The following VRK1 variants were observed in gnomAD, a reference collection of about 807,000 sequenced individuals.
VRK1 encodes the protein serine/threonine-protein kinase VRK1.
In VRK1, 33 loss-of-function variants were observed where a neutral mutation model predicts 57.1. The observed-to-expected ratio is 0.58, with a 90% CI of 0.44 to 0.77. The LOEUF (loss-of-function observed/expected upper bound fraction) is 0.77, where lower values mean the gene tolerates loss of function less well. Ranked by LOEUF, VRK1 falls within the 30% of genes least tolerant of loss-of-function variation. The pLI, the probability that VRK1 is intolerant of heterozygous loss-of-function variation, is 0.00. For missense variants in VRK1, 413 were observed against 477.3 expected (o/e 0.87, Z 1.25); for synonymous variants, 137 against 147.8 (o/e 0.93, Z 0.53).
chr14:96,815,472 A>G (rs748909217), intron 1 of VRK1, among the ~76,000 whole-genome samples: 3 of 152,160 alleles, frequency 2.0e-5, no homozygotes, highest in Non-Finnish European at 4.4e-5. Context: ...CTCTGAAGAT[A>G]CCTTATATTG....
chr14:96,864,466 TTTC>T (rs1284792207), intron 11 of VRK1, among the ~76,000 whole-genome samples: 8 of 152,340 alleles, frequency 5.3e-5, no homozygotes, highest in Middle Eastern at 3.4e-3. Context: ...ATTTGTTGTT[TTTC>T]ATTGCTGTGT....
At chr14:96,847,763 C>T (rs745775445) in intron 5 of VRK1, among the ~76,000 whole-genome samples, 2 of 152,200 alleles carry the variant, frequency 1.3e-5, no homozygotes, top group African/African-American at 2.4e-5. Flanking sequence ...GATACATAAT[C>T]TGCCCACACA....
intron 3 of VRK1, among the ~76,000 whole-genome samples, chr14:96,841,325 G>A (rs1887451484): frequency 6.6e-6 from 1 of 151,994 alleles, no homozygotes; most frequent in African/African-American, 2.4e-5. Context: ...AAAAAACATG[G>A]CCAGGAACAG....
chr14:96,863,545 A>G (rs1477908005), intron 11 of VRK1, among the ~76,000 whole-genome samples: 5 of 152,192 alleles, frequency 3.3e-5, no homozygotes, highest in Non-Finnish European at 7.3e-5. Context: ...CTAAGTCAAC[A>G]AAAAGGGTTG....
chr14:96,804,660 A>T lies in VRK1; in HGVS notation c.-6+7213A>T, dbSNP rs531939993. Among the ~76,000 whole-genome samples the T allele has an allele frequency of 1.4e-4, 21 of 152,320 alleles. No individual in the cohort carries two copies. The South Asian group carries it at 3.7e-3, about 27-fold the overall frequency. ...GTGCTGTATATTCTTAATCAGGAAA[A>T]TGGTATGATAGAAATGGTATTAAAG... On this transcript the variant is annotated intron_variant, in intron 1 of 12. Coordinates refer to ENST00000216639, the MANE Select transcript of VRK1 (RefSeq NM_003384.3).
At chr14:96,852,997 A>T in intron 6 of VRK1, 58 bp downstream of exon 6, 1 of 1,604,206 alleles carries the variant, frequency 6.2e-7, no homozygotes, top group South Asian at 1.1e-5. Flanking sequence ...AGTAAAGGCT[A>T]GTTTATGTTG....
intron 12 of VRK1, chr14:96,877,821 G>A (rs1889104815): frequency 2.7e-6 from 1 of 375,468 alleles, no homozygotes; most frequent in African/African-American, 2.2e-5. Flanking sequence ...TTTTTGTTTT[G>A]ATAGATAAAT....
chr14:96,875,902 C>CT, intron 11 of VRK1, 128 bp from the exon 12 acceptor site: 2 of 962,716 alleles, frequency 2.1e-6, no homozygotes, highest in Non-Finnish European at 3.2e-6. Context: ...TGAGAATATT[C>CT]TTCCTGTGTG....
chr14:96,855,088 A>G, intron 7 of VRK1, 136 bp from the exon 8 acceptor site: 2 of 1,242,106 alleles, frequency 1.6e-6, no homozygotes, highest in South Asian at 2.5e-5. Flanking sequence ...TTTTGGATCT[A>G]AATTGTTTGG....
At chr14:96,869,635 C>T (rs1235908110) in intron 11 of VRK1, among the ~76,000 whole-genome samples, 1 of 152,076 alleles carries the variant, frequency 6.6e-6, no homozygotes, top group Admixed American at 6.5e-5. Context: ...AATATAGCTC[C>T]ATACCTTTTA....
chr14:96,835,972 A>G (rs1457133432), intron 2 of VRK1, among the ~76,000 whole-genome samples: 1 of 152,156 alleles, frequency 6.6e-6, no homozygotes, highest in Non-Finnish European at 1.5e-5. Flanking sequence ...ATGACTCTCC[A>G]GTGTCCTTCA....
At chr14:96,809,571 T>C (rs1029123896) in intron 1 of VRK1, among the ~76,000 whole-genome samples, 2 of 112,682 alleles carry the variant, frequency 1.8e-5, no homozygotes, top group Non-Finnish European at 4.1e-5. Context: ...GCTTGCTTTC[T>C]TTTTTTTTTT....
intron 12 of VRK1, chr14:96,877,573 A>G (rs1455445877): frequency 7.8e-7 from 1 of 1,289,522 alleles, no homozygotes; most frequent in Admixed American, 2.3e-5. Context: ...CAGCTATGAC[A>G]GTGAGTGGGA....
intron 1 of VRK1, among the ~76,000 whole-genome samples, chr14:96,829,469 G>A (rs192454290): frequency 1.5e-3 from 222 of 152,220 alleles, no homozygotes; most frequent in Non-Finnish European, 1.9e-3. Flanking sequence ...GTGTTTCTGT[G>A]TATGTGTTTA....
chr14:96,801,456 T>G (rs748329814), intron 1 of VRK1, among the ~76,000 whole-genome samples: 2 of 152,234 alleles, frequency 1.3e-5, no homozygotes, highest in African/African-American at 2.4e-5. Flanking sequence ...TGTTAATGTT[T>G]CTACTGTAGT....
intron 1 of VRK1, among the ~76,000 whole-genome samples, chr14:96,829,095 T>C (rs916180983): frequency 6.6e-6 from 1 of 152,122 alleles, no homozygotes; most frequent in South Asian, 2.1e-4. Context: ...ACATATAAGA[T>C]GTGCCTGGAA....
intron 1 of VRK1, among the ~76,000 whole-genome samples, chr14:96,812,464 C>T (rs955577345): frequency 2.6e-5 from 4 of 152,128 alleles, no homozygotes; most frequent in African/African-American, 4.8e-5. Flanking sequence ...AGTGGCATCT[C>T]GTTGTGGTCT....
At position 96,822,080 on chromosome 14, in the gene VRK1, CTT is replaced by C. The variant is rs71103555; in HGVS notation, c.-5-11375_-5-11374del. Among the ~76,000 whole-genome samples, 134 of 141,688 alleles carry C rather than the reference CTT, an allele frequency of 9.5e-4. 2 individuals are homozygous for C. Among genetic ancestry groups the C allele is most frequent in the Middle Eastern group, 7.2e-3 (2 of 276 alleles). The allele number at this position is 141,688 out of a possible 152,430, so 93.0% of individuals were successfully genotyped here. On this transcript the variant is annotated intron_variant, in intron 1 of 12. Coordinates refer to ENST00000216639, the MANE Select transcript of VRK1 (RefSeq NM_003384.3). ...CCCGCCCCCAACTCCCTGTCCCTGC[CTT>C]TTTTTTTTTTTCCTTAGCCCTTATA...
chr14:96,808,031 G>GCCCCC (rs1566683673), intron 1 of VRK1, among the ~76,000 whole-genome samples: 2 of 75,290 alleles, frequency 2.7e-5, no homozygotes, highest in Admixed American at 1.2e-4. Context: ...GTGTGTGTGT[G>GCCCCC]TGTGTGTGTG....
Sources: allele counts gnomAD v4.1 joint callset (sites outside exome capture counted in the v4.1 genomes callset), GRCh38; gene constraint gnomAD v4.1.1; transcripts MANE v1.5; gene names NCBI Gene and HGNC (gene_info 2026-07-23, HGNC 2026-07-21).